UTRN: variants seen among roughly 807,000 people sequenced by gnomAD.
UTRN encodes dystrophin-related protein 1.
A neutral mutation model predicts 463.9 loss-of-function variants in UTRN; 283 were observed. The observed-to-expected ratio is 0.61, with a 90% CI of 0.55 to 0.67. The LOEUF (loss-of-function observed/expected upper bound fraction) is 0.67, where lower values mean the gene tolerates loss of function less well. UTRN is among the 30% of genes least tolerant of loss of function. The pLI is 0.00. For synonymous variants in UTRN, 1,442 were observed against 1,431.5 expected (o/e 1.01, Z -0.17); for missense variants, 3,922 against 4,084.3 (o/e 0.96, Z 1.08).
At chr6:144,533,705 G>A (rs1488322212) in intron 43 of UTRN, among the ~76,000 whole-genome samples, 1 of 138,038 alleles carries the variant, frequency 7.2e-6, no homozygotes, top group Non-Finnish European at 1.6e-5. Flanking sequence ...CAATAATAAA[G>A]TTCTTCATCT....
At chr6:144,478,375 A>G (rs1468558134) in intron 25 of UTRN, among the ~76,000 whole-genome samples, 1 of 152,180 alleles carries the variant, frequency 6.6e-6, no homozygotes, top group Non-Finnish European at 1.5e-5. Context: ...CAAGAAGTAC[A>G]CATACAGAGA....
Position 144,507,161 on chromosome 6 carries a change from C to T in UTRN, c.4765-3783C>T, listed in dbSNP as rs114607517. Among the ~76,000 whole-genome samples the T allele has an allele frequency of 9.6e-4, 146 of 152,012 alleles. 1 individual carries two copies. Among genetic ancestry groups the T allele is most frequent in the Middle Eastern group, 3.4e-3 (1 of 294 alleles). ...AATTGGTTAGTCTAGTTAGCAGTTT[C>T]TGTAACCTTTTTTTCAAGGTTCTTA... On this transcript the variant is annotated intron_variant, in intron 34 of 74. Coordinates refer to ENST00000367545, the MANE Select transcript of UTRN (RefSeq NM_007124.3).
chr6:144,384,490 C>A (rs564305226), intron 2 of UTRN, among the ~76,000 whole-genome samples: 1 of 152,210 alleles, frequency 6.6e-6, no homozygotes, highest in East Asian at 1.9e-4. Flanking sequence ...CCCACTGCCC[C>A]GCCCATGGAA....
At chr6:144,311,601 G>A (rs549402821) in intron 2 of UTRN, 2 of 152,346 alleles carry the variant, frequency 1.3e-5, no homozygotes, top group South Asian at 4.1e-4. Flanking sequence ...AAGGAGTATG[G>A]ACTAGATGAC....
intron 72 of UTRN, among the ~76,000 whole-genome samples, chr6:144,840,315 T>C (rs1369060264): frequency 6.6e-6 from 1 of 152,116 alleles, no homozygotes. Context: ...TTTACTTTTG[T>C]GGCAGGATAA....
Position 144,436,082 on chromosome 6 carries a change from C to A in UTRN, c.1003C>A (p.Gln335Lys), listed in dbSNP as rs779761181. The change falls in exon 10 of 75, where the codon CAG becomes AAG. Residue 335 changes from glutamine (Q) to lysine (K), a missense_variant. Physicochemically the swap from Gln to Lys is moderately conservative, Grantham distance 53. Coordinates refer to ENST00000367545, the MANE Select transcript of UTRN (RefSeq NM_007124.3). ...TTCTGCTGAGGACACTTTCCAGGAG[C>A]AGGATGATATTTCTGATGATGTTGA... ...LLSAEDTFQE[Q>K]DDISDDVEEV... The A allele has an allele frequency of 6.2e-6, 10 of 1,614,168 alleles. No individual in the cohort carries two copies. The highest frequency in any genetic ancestry group is 1.1e-5 in the South Asian group (1 of 91,088).
chr6:144,800,191 C>T (rs1777586895), intron 64 of UTRN, among the ~76,000 whole-genome samples: 1 of 152,134 alleles, frequency 6.6e-6, no homozygotes. Flanking sequence ...ACTCTAAAAA[C>T]ATTAAATATT....
chr6:144,597,074 T>G (rs149941638), intron 51 of UTRN, among the ~76,000 whole-genome samples: 275 of 152,178 alleles, frequency 1.8e-3, no homozygotes, highest in African/African-American at 6.4e-3. Context: ...TTGTCTCTAC[T>G]GAAAGTGCAA....
chr6:144,308,500 C>G (rs557017019), intron 2 of UTRN, among the ~76,000 whole-genome samples: 31 of 152,132 alleles, frequency 2.0e-4, no homozygotes, highest in Non-Finnish European at 1.6e-4. Context: ...ACCATGTTGC[C>G]CAGGCTGGTC....
chr6:144,742,562 C>G lies in UTRN; in HGVS notation c.7940-5684C>G, dbSNP rs528272425. ...GTCTTTTCCTTTGAGTTCTTATTGG[C>G]TAATCAACCTGGTTTGCTTATGTGA... On this transcript the variant is annotated intron_variant, in intron 54 of 74. Transcript: ENST00000367545. Among the ~76,000 whole-genome samples the G allele has an allele frequency of 1.4e-4, 22 of 152,268 alleles. No individual in the cohort carries two copies. The East Asian group carries it at 4.2e-3, about 29-fold the overall frequency.
intron 43 of UTRN, among the ~76,000 whole-genome samples, chr6:144,535,205 T>C (rs546507240): frequency 1.3e-5 from 2 of 152,296 alleles, no homozygotes; most frequent in South Asian, 4.1e-4. Flanking sequence ...CTCAGCCTCC[T>C]CAGTAGCTGA....
At chr6:144,769,734 G>A (rs1483611178) in intron 58 of UTRN, among the ~76,000 whole-genome samples, 1 of 152,138 alleles carries the variant, frequency 6.6e-6, no homozygotes, top group Non-Finnish European at 1.5e-5. Flanking sequence ...ATCATGATGG[G>A]ATGTCTGTCT....
chr6:144,447,256 A>G lies in UTRN; in HGVS notation c.1660A>G (p.Lys554Glu), dbSNP rs1270778926. The G allele has an allele frequency of 3.7e-6, 6 of 1,614,060 alleles. No homozygotes were observed. Among genetic ancestry groups the G allele is most frequent in the Non-Finnish European group, 5.1e-6 (6 of 1,179,942 alleles). The change falls in exon 15 of 75, where the codon AAA becomes GAA. Residue 554 changes from lysine (K) to glutamate (E), a missense_variant. Coordinates refer to ENST00000367545, the MANE Select transcript of UTRN (RefSeq NM_007124.3). ...AACCGAAAAAGAAGAGGCTTTAAAT[A>G]AAGTCCAGACAAGCAACTTCAAAGA... ...WLTEKEEALN[K>E]VQTSNFKDQK...
intron 46 of UTRN, among the ~76,000 whole-genome samples, chr6:144,543,756 C>G (rs1340479206): frequency 1.3e-5 from 2 of 151,498 alleles, no homozygotes; most frequent in African/African-American, 2.4e-5. Context: ...CTTTTCTTTT[C>G]CTTCTCTTCC....
chr6:144,643,795 A>C (rs1585746208), intron 51 of UTRN, among the ~76,000 whole-genome samples: 1 of 30,530 alleles, frequency 3.3e-5, no homozygotes, highest in African/African-American at 2.4e-4. Flanking sequence ...ACACCATCTC[A>C]AAAAAAAAAA....
chr6:144,836,174 T>C, intron 70 of UTRN, 127 bp from the exon 71 acceptor site: 1 of 1,430,802 alleles, frequency 7.0e-7, no homozygotes, highest in Non-Finnish European at 9.2e-7. Flanking sequence ...TGCATGCTCA[T>C]CCTGCTATTA....
At chr6:144,342,202 A>T (rs1777188211) in intron 2 of UTRN, among the ~76,000 whole-genome samples, 1 of 152,198 alleles carries the variant, frequency 6.6e-6, no homozygotes. Context: ...ATTGGTGAGG[A>T]TGTGGAGAAA....
chr6:144,403,260 G>A, intron 3 of UTRN, 76 bp downstream of exon 3: 1 of 1,344,088 alleles, frequency 7.4e-7, no homozygotes, highest in Non-Finnish European at 1.1e-6. Context: ...GAAGTGCAGT[G>A]AATTTTCCCC....
chr6:144,628,628 C>T lies in UTRN; in HGVS notation c.7480-49778C>T, dbSNP rs966090921. On this transcript the variant is annotated intron_variant, in intron 51 of 74. Transcript: ENST00000367545. ...CCTTCATTCTGAGTTGTTCTGTGAA[C>T]TAGATTTCATGGTTTACTAACTCAT... Among the ~76,000 whole-genome samples the T allele has an allele frequency of 3.3e-5, 5 of 152,266 alleles. No individual in the cohort carries two copies. The East Asian group carries it at 9.6e-4, about 29-fold the overall frequency.
Sources: gnomAD v4.1 joint callset for allele counts (sites outside exome capture counted in the v4.1 genomes callset) on GRCh38, gnomAD v4.1.1 for gene constraint, MANE v1.5 for transcripts, NCBI Gene and HGNC (gene_info 2026-07-23, HGNC 2026-07-21) for gene names.